Variants in KCNAB1 observed in about 807,000 individuals in gnomAD.
KCNAB1 encodes the protein voltage-gated potassium channel subunit beta-1.
KCNAB1 carries 35 observed loss-of-function variants against 64.6 expected under a neutral mutation model. The observed-to-expected ratio is 0.54, with a 90% CI of 0.41 to 0.72. KCNAB1 has a LOEUF of 0.72. Among genes scored for constraint, KCNAB1 ranks in the 30% least tolerant of loss-of-function variants. The pLI is 0.00. For synonymous variants in KCNAB1, 177 were observed against 183.8 expected, an observed-to-expected ratio of 0.96 and a Z score of 0.30; for missense variants, 401 against 512.9, an observed-to-expected ratio of 0.78 and a Z score of 2.11.
In KCNAB1 at chr3:156,168,584, A is replaced by G. The variant is rs544688827; in HGVS notation, c.275+47698A>G. On this transcript the variant is annotated intron_variant, in intron 1 of 13. Transcript: ENST00000490337. ...CTGTGTATTCATTCAACAAGTGAAT[A>G]TAAATTTGATGCTTATTATATGTTA... Among the ~76,000 whole-genome samples the G allele has an allele frequency of 2.0e-5, 3 of 152,336 alleles. No individual in the cohort carries two copies. The South Asian group carries it at 6.2e-4, about 32-fold the overall frequency.
rs34671816 is a variant in KCNAB1, at chr3:156,338,303, C to CTTTTTTTTTTTTTTTTTTT, written c.276-83304_276-83286dup. On this transcript the variant is annotated intron_variant, in intron 1 of 13. Coordinates refer to ENST00000490337, the MANE Select transcript of KCNAB1 (RefSeq NM_172160.3). The stretch of plus-strand genomic sequence containing the variant: ...TCTTATACTTTCTTTGGCATTTGCA[C>CTTTTTTTTTTTTTTTTTTT]TTTTTTTTTTTTTTTTTTTTTTTTT... Among the ~76,000 whole-genome samples, 272 of 39,488 alleles carry CTTTTTTTTTTTTTTTTTTT rather than the reference C, an allele frequency of 6.9e-3. 74 individuals are homozygous for CTTTTTTTTTTTTTTTTTTT. The highest frequency in any genetic ancestry group is 0.037 in the Middle Eastern group (2 of 54). The allele number at this position is 39,488 out of a possible 152,430, so 25.9% of individuals were successfully genotyped here.
chr3:156,377,528 G>A (rs554524162), intron 1 of KCNAB1, among the ~76,000 whole-genome samples: 6 of 152,298 alleles, frequency 3.9e-5, no homozygotes, highest in Non-Finnish European at 1.5e-5. Flanking sequence ...AGGAAATCCA[G>A]GCTGGTGGAC....
rs551022690 is a variant in KCNAB1, at chr3:156,276,611, A to G, written c.276-145005A>G. On this transcript the variant is annotated intron_variant, in intron 1 of 13. Coordinates refer to ENST00000490337, the MANE Select transcript of KCNAB1 (RefSeq NM_172160.3). ...TTTTGGATAAGTTGCTGTAGCTTCT[A>G]TTTAGTACTTACTGCTTCACCTTGC... Among the ~76,000 whole-genome samples the G allele has an allele frequency of 3.3e-5, 5 of 152,306 alleles. No homozygotes were observed. The South Asian group carries it at 1.0e-3, about 32-fold the overall frequency.
chr3:156,434,369 A>G (rs1276072789), intron 2 of KCNAB1, among the ~76,000 whole-genome samples: 1 of 152,180 alleles, frequency 6.6e-6, no homozygotes, highest in Admixed American at 6.5e-5. Context: ...TCAATTGCCC[A>G]CTCACTGTAA....
intron 1 of KCNAB1, among the ~76,000 whole-genome samples, chr3:156,263,497 A>G (rs944118332): frequency 1.3e-5 from 2 of 152,048 alleles, no homozygotes; most frequent in African/African-American, 4.8e-5. Flanking sequence ...ATATTTTTAT[A>G]GCATGAACCC....
rs1054374622 is a variant in KCNAB1 at position 156,265,416 on chromosome 3, G to A, written c.275+144530G>A. Among the ~76,000 whole-genome samples, 53 of 152,178 alleles carry A rather than the reference G, an allele frequency of 3.5e-4. 1 individual carries two copies. Among genetic ancestry groups the A allele is most frequent in the Middle Eastern group, 3.4e-3 (1 of 294 alleles). On this transcript the variant is annotated intron_variant, in intron 1 of 13. Transcript: ENST00000490337. ...TGTGTCATTATCTCCCCATCCCTGG[G>A]TCAATGCTGCTCCCAAAGAGGCCCT...
At chr3:156,193,774 T>A (rs1389463224) in intron 1 of KCNAB1, among the ~76,000 whole-genome samples, 3 of 152,146 alleles carry the variant, frequency 2.0e-5, no homozygotes, top group African/African-American at 7.2e-5. Flanking sequence ...GTGGGGCTTA[T>A]GGGGATTAAA....
rs760821726 is a variant in KCNAB1 at position 156,465,635 on chromosome 3, C to G, written c.528-8C>G. Reference sequence around the variant, plus strand: ...CATTCAAAGTTATTTGCTTCTTTTTCTTGGCAGAGCTGAAACAGAAAGAGG... The same window carrying G: ...CATTCAAAGTTATTTGCTTCTTTTTGTTGGCAGAGCTGAAACAGAAAGAGG... On this transcript the variant is annotated splice_region_variant and splice_polypyrimidine_tract_variant and intron_variant, in intron 6 of 13. Coordinates refer to ENST00000490337, the MANE Select transcript of KCNAB1 (RefSeq NM_172160.3). The G allele has an allele frequency of 6.8e-6, 11 of 1,611,964 alleles. No individual in the cohort carries two copies. Among genetic ancestry groups the G allele is most frequent in the Non-Finnish European group, 8.5e-7 (1 of 1,178,390 alleles).
intron 1 of KCNAB1, among the ~76,000 whole-genome samples, chr3:156,242,064 G>A (rs1717190079): frequency 6.6e-6 from 1 of 152,074 alleles, no homozygotes; most frequent in African/African-American, 2.4e-5. Context: ...GAAGCTTATC[G>A]AATCTCTTTT....
At position 156,365,376 on chromosome 3, in the gene KCNAB1, G is replaced by A. The variant is rs531314561; in HGVS notation, c.276-56240G>A. The stretch of plus-strand genomic sequence containing the variant: ...TGTTAATTTCTATTTTCTGTATGGC[G>A]TAGACGTGCAAGAGGCTCATCTTCC... On this transcript the variant is annotated intron_variant, in intron 1 of 13. Coordinates refer to ENST00000490337, the MANE Select transcript of KCNAB1 (RefSeq NM_172160.3). Among the ~76,000 whole-genome samples, 13 of 152,268 alleles carry A rather than the reference G, an allele frequency of 8.5e-5. 1 individual carries two copies. Among genetic ancestry groups the A allele is most frequent in the African/African-American group, 2.2e-4 (9 of 41,556 alleles).
chr3:156,266,934 T>C (rs1043423774), intron 1 of KCNAB1, among the ~76,000 whole-genome samples: 1 of 152,152 alleles, frequency 6.6e-6, no homozygotes, highest in African/African-American at 2.4e-5. Flanking sequence ...TCAGAATATG[T>C]AGACCTACAG....
chr3:156,275,099 A>G (rs1345139639), intron 1 of KCNAB1, among the ~76,000 whole-genome samples: 1 of 152,214 alleles, frequency 6.6e-6, no homozygotes, highest in African/African-American at 2.4e-5. Context: ...TTTCATGTAT[A>G]AGTGAGATCA....
intron 1 of KCNAB1, among the ~76,000 whole-genome samples, chr3:156,242,437 A>T (rs1178613431): frequency 6.6e-6 from 1 of 151,904 alleles, no homozygotes; most frequent in Non-Finnish European, 1.5e-5. Flanking sequence ...TTTATCCCCC[A>T]CCCGCTTCCC....
At chr3:156,491,712 A>G (rs928129357) in intron 8 of KCNAB1, among the ~76,000 whole-genome samples, 2 of 151,936 alleles carry the variant, frequency 1.3e-5, no homozygotes, top group Non-Finnish European at 2.9e-5. Flanking sequence ...CCTGTAATTT[A>G]TTTTCTTATA....
At chr3:156,343,576 G>A (rs975469176) in intron 1 of KCNAB1, among the ~76,000 whole-genome samples, 4 of 152,148 alleles carry the variant, frequency 2.6e-5, no homozygotes, top group African/African-American at 9.7e-5. Flanking sequence ...AGGGTATGGG[G>A]CTTATTGGAA....
At chr3:156,222,136 A>G (rs1715809214) in intron 1 of KCNAB1, among the ~76,000 whole-genome samples, 2 of 152,224 alleles carry the variant, frequency 1.3e-5, no homozygotes, top group Admixed American at 6.5e-5. Flanking sequence ...ACAGAATGGC[A>G]GAATGGATAA....
At chr3:156,348,002 G>A (rs1350487366) in intron 1 of KCNAB1, among the ~76,000 whole-genome samples, 1 of 152,162 alleles carries the variant, frequency 6.6e-6, no homozygotes, top group African/African-American at 2.4e-5. Context: ...TAGGGAGATA[G>A]GGAGAACAGG....
chr3:156,233,149 T>C (rs1716634714), intron 1 of KCNAB1, among the ~76,000 whole-genome samples: 1 of 152,140 alleles, frequency 6.6e-6, no homozygotes, highest in Admixed American at 6.5e-5. Context: ...AACAGATAAG[T>C]GTCTTTGCTC....
intron 1 of KCNAB1, among the ~76,000 whole-genome samples, chr3:156,410,367 TA>T (rs142714925): frequency 0.14 from 20,581 of 152,232 alleles, 1,593 homozygotes; most frequent in Middle Eastern, 0.18. Context: ...TTTCCAAAAT[TA>T]TTTGTCAGGT....
Sources: gnomAD v4.1 joint callset for allele counts (sites outside exome capture counted in the v4.1 genomes callset) on GRCh38, gnomAD v4.1.1 for gene constraint, MANE v1.5 for transcripts, NCBI Gene and HGNC (gene_info 2026-07-23, HGNC 2026-07-21) for gene names.